Variants in CALN1 observed in about 807,000 individuals in gnomAD.
CALN1 encodes calcium-binding protein 8.
A neutral mutation model predicts 30.6 loss-of-function variants in CALN1; 17 were observed. The observed-to-expected ratio is 0.56, with a 90% CI of 0.38 to 0.83. The LOEUF is 0.83. Among genes scored for constraint, CALN1 ranks in the 40% least tolerant of loss-of-function variants. The pLI is 0.00. For missense variants in CALN1, 291 were observed against 354.9 expected (o/e 0.82, Z 1.45); for synonymous variants, 156 against 131.4 (o/e 1.19, Z -1.28).
chr7:71,833,626 C>T (rs938159128), intron 5 of CALN1, among the ~76,000 whole-genome samples: 1 of 149,028 alleles, frequency 6.7e-6, no homozygotes, highest in Non-Finnish European at 1.5e-5. Context: ...GAAGACCAGG[C>T]GAGGCACAGT....
intron 2 of CALN1, among the ~76,000 whole-genome samples, chr7:72,371,182 G>A (rs1252071503): frequency 6.6e-6 from 1 of 151,670 alleles, no homozygotes; most frequent in Non-Finnish European, 1.5e-5. Context: ...GTTTTCTTCT[G>A]TATTTCCTTC....
intron 3 of CALN1, among the ~76,000 whole-genome samples, chr7:72,176,557 A>T (rs2129545767): frequency 6.6e-6 from 1 of 152,242 alleles, no homozygotes; most frequent in Admixed American, 6.5e-5. Context: ...GCCATGTAAC[A>T]TGCTGGCTCC....
At chr7:71,924,141 C>T (rs1021476131) in intron 5 of CALN1, among the ~76,000 whole-genome samples, 9 of 144,530 alleles carry the variant, frequency 6.2e-5, no homozygotes, top group South Asian at 2.2e-4. Context: ...TGCAGTGAGC[C>T]GAAATTGCGC....
intron 2 of CALN1, among the ~76,000 whole-genome samples, chr7:72,367,825 A>C (rs1441543947): frequency 1.3e-5 from 2 of 151,852 alleles, no homozygotes; most frequent in African/African-American, 4.8e-5. Context: ...ACAGAGCAAG[A>C]CCTTGTCTGT....
intron 4 of CALN1, among the ~76,000 whole-genome samples, chr7:72,067,324 C>A (rs1398268925): frequency 6.6e-6 from 1 of 152,154 alleles, no homozygotes. Context: ...TCACTGCAGC[C>A]TCCACCTTCC....
At chr7:71,889,305 G>A (rs550807221) in intron 5 of CALN1, among the ~76,000 whole-genome samples, 2 of 152,040 alleles carry the variant, frequency 1.3e-5, no homozygotes, top group African/African-American at 4.8e-5. Context: ...AGCTCCCTTG[G>A]GGCTCTTTTA....
At chr7:72,221,312 CTTTTTT>C (rs1174615183) in intron 3 of CALN1, among the ~76,000 whole-genome samples, 3 of 88,986 alleles carry the variant, frequency 3.4e-5, no homozygotes, top group East Asian at 7.1e-4. Flanking sequence ...GTCTTGGCTT[CTTTTTT>C]TTTTTTTTTT....
intron 5 of CALN1, among the ~76,000 whole-genome samples, chr7:71,811,676 CTT>C (rs59136685): frequency 5.0e-5 from 7 of 139,968 alleles, no homozygotes; most frequent in African/African-American, 5.1e-5. Context: ...TTTCTTTTTT[CTT>C]TTTTTTTTTT....
chr7:72,030,635 C>A lies in CALN1; in HGVS notation c.389-6866G>T, dbSNP rs147503150. ...TTACACTAAGTCCCTAAAAACCACT[C>A]CCAAGCTGCCAGGCTGAAGCAAGGT... On this transcript the variant is annotated intron_variant, in intron 4 of 6. Coordinates refer to ENST00000395275, the MANE Select transcript of CALN1 (RefSeq NM_031468.4). 4.6e-5 allele frequency among the ~76,000 whole-genome samples: 7 copies of A among 152,278 alleles called. No homozygotes were observed. In the East Asian group the frequency reaches 1.3e-3, roughly 29 times the overall value.
At position 72,403,415 on chromosome 7, in the gene CALN1, A is replaced by T. The variant is rs1361999792; in HGVS notation, c.-46T>A. On this transcript the variant is annotated 5_prime_UTR_variant, in exon 2 of 7. The change creates a new upstream start codon in the 5' untranslated region. Transcript: ENST00000395275. ...CTCAGAGAGAGTTAGAAGCTCATCA[A>T]AGGAACGTCAGCGAAGGCACTGAGA... 9.5e-6 allele frequency: 14 copies of T among 1,466,084 alleles called. No homozygotes were observed. The highest frequency in any genetic ancestry group is 1.3e-5 in the Non-Finnish European group (14 of 1,086,224). 90.8% of individuals were successfully genotyped at this position (1,466,084 alleles called of 1,614,324 possible).
the CALN1 span, among the ~76,000 whole-genome samples, chr7:72,490,575 G>A: frequency 2.6e-5 from 4 of 152,306 alleles, no homozygotes; most frequent in African/African-American, 9.6e-5. Context: ...GTGGTCTTCA[G>A]CGTTGGAGGA....
intron 3 of CALN1, among the ~76,000 whole-genome samples, chr7:72,247,804 G>A (rs1795291182): frequency 6.6e-6 from 1 of 152,006 alleles, no homozygotes. Flanking sequence ...GACCAGCCTG[G>A]GCAATACAGC....
At chr7:71,944,594 C>CAAAAAAAAAAAAAAAAAAAAAAAAAAAA (rs10677940) in intron 5 of CALN1, among the ~76,000 whole-genome samples, 1 of 60,002 alleles carries the variant, frequency 1.7e-5, no homozygotes, top group Non-Finnish European at 2.9e-5. Context: ...AACTCCATCC[C>CAAAAAAAAAAAAAAAAAAAAAAAAAAAA]AAAAAAAAAA....
chr7:72,118,997 T>C (rs1808193646), intron 3 of CALN1, among the ~76,000 whole-genome samples: 1 of 152,212 alleles, frequency 6.6e-6, no homozygotes. Flanking sequence ...GATCTTATTT[T>C]AGTAAAATAA....
chr7:71,965,303 T>C (rs1402449541), intron 5 of CALN1, among the ~76,000 whole-genome samples: 2 of 152,190 alleles, frequency 1.3e-5, no homozygotes, highest in Non-Finnish European at 2.9e-5. Context: ...AGTACTAAGA[T>C]GACAGGTGTG....
At chr7:72,288,578 G>A (rs1798259162) in intron 2 of CALN1, among the ~76,000 whole-genome samples, 1 of 152,230 alleles carries the variant, frequency 6.6e-6, no homozygotes, top group African/African-American at 2.4e-5. Context: ...ACAATTTACA[G>A]ATCCACCATT....
At chr7:72,138,252 T>A (rs1257442070) in intron 3 of CALN1, among the ~76,000 whole-genome samples, 1 of 152,196 alleles carries the variant, frequency 6.6e-6, no homozygotes, top group Admixed American at 6.5e-5. Flanking sequence ...CATCAAATGA[T>A]GCTAATTCTA....
chr7:72,250,278 A>T (rs62464863), intron 3 of CALN1, among the ~76,000 whole-genome samples: 2,232 of 152,348 alleles, frequency 0.015, 28 homozygotes, highest in Non-Finnish European at 0.026. Flanking sequence ...GAAGTCAGAC[A>T]GCCTGGGTCT....
At chr7:72,146,404 C>T (rs1041221436) in intron 3 of CALN1, among the ~76,000 whole-genome samples, 1 of 152,148 alleles carries the variant, frequency 6.6e-6, no homozygotes, top group African/African-American at 2.4e-5. Flanking sequence ...AGGAATCCAA[C>T]TTACAAGGGA....
Sources: allele counts gnomAD v4.1 joint callset (sites outside exome capture counted in the v4.1 genomes callset), GRCh38; gene constraint gnomAD v4.1.1; transcripts MANE v1.5; gene names NCBI Gene and HGNC (gene_info 2026-07-23, HGNC 2026-07-21).